The following HS3ST5 variants were observed in gnomAD, a reference collection of about 807,000 sequenced individuals.
The protein encoded by HS3ST5 is heparan sulfate glucosamine 3-O-sulfotransferase 5.
A neutral mutation model predicts 25.4 loss-of-function variants in HS3ST5; 10 were observed. That is an observed-to-expected ratio of 0.39 (90% CI 0.24 to 0.67). HS3ST5 has a LOEUF of 0.67. Ranked by LOEUF, HS3ST5 falls within the 30% of genes least tolerant of loss-of-function variation. The pLI is 0.44. For synonymous variants in HS3ST5, 170 were observed against 162.4 expected (o/e 1.05, Z -0.36); for missense variants, 324 against 420.7 (o/e 0.77, Z 2.01).
chr6:114,200,676 T>C (rs1187131540), intron 2 of HS3ST5, among the ~76,000 whole-genome samples: 2 of 151,952 alleles, frequency 1.3e-5, no homozygotes, highest in Non-Finnish European at 2.9e-5. Context: ...ACTGTGCACA[T>C]TTTGAGAAAC....
In HS3ST5 at chr6:114,057,092, C is replaced by A; in HGVS notation, c.*165G>T. The A allele has an allele frequency of 4.0e-6, 2 of 499,702 alleles. No individual in the cohort carries two copies. Among genetic ancestry groups the A allele is most frequent in the Non-Finnish European group, 3.4e-6 (1 of 292,762 alleles). 31.0% of individuals were successfully genotyped at this position (499,702 alleles called of 1,614,324 possible). A position where few individuals can be genotyped will look rare whatever the true frequency, so the allele number is the denominator to read the frequency against. On this transcript the variant is annotated 3_prime_UTR_variant, in exon 5 of 5. Coordinates refer to ENST00000312719, the MANE Select transcript of HS3ST5 (RefSeq NM_153612.4). ...CAATTTTTTTTTTTTCGTAAATTTT[C>A]AGTAGAAAAAGAACTGATCTTATAT...
chr6:114,341,503 G>A (rs1250057017), intron 1 of HS3ST5, among the ~76,000 whole-genome samples: 1 of 152,036 alleles, frequency 6.6e-6, no homozygotes, highest in Non-Finnish European at 1.5e-5. Context: ...ACAGGAGCAG[G>A]AGTCTCAGCG....
chr6:114,122,999 C>T (rs1380041297), intron 3 of HS3ST5, among the ~76,000 whole-genome samples: 1 of 152,190 alleles, frequency 6.6e-6, no homozygotes, highest in Non-Finnish European at 1.5e-5. Context: ...GTTGCCTAGG[C>T]TGGAGTGCAA....
chr6:114,073,329 G>T (rs962915633), intron 3 of HS3ST5, among the ~76,000 whole-genome samples: 1 of 152,162 alleles, frequency 6.6e-6, no homozygotes, highest in Admixed American at 6.5e-5. Flanking sequence ...CACAGCAAAA[G>T]AAACTATCAT....
rs183406914 is a variant in HS3ST5, at chr6:114,333,971, C to T, written c.-339+8224G>A. Among the ~76,000 whole-genome samples the T allele has an allele frequency of 2.0e-5, 3 of 152,288 alleles. No homozygotes were observed. The East Asian group carries it at 5.8e-4, about 29-fold the overall frequency. ...AGCATCTGCAAGCCCATCAGTCCCA[C>T]ATACAACCTTGTACCCGTCTTGTGC... On this transcript the variant is annotated intron_variant, in intron 1 of 4. Transcript: ENST00000312719.
intron 1 of HS3ST5, among the ~76,000 whole-genome samples, chr6:114,288,020 T>C (rs1774412685): frequency 6.6e-6 from 1 of 152,064 alleles, no homozygotes; most frequent in Non-Finnish European, 1.5e-5. Context: ...CACTCGCATA[T>C]ACGCTAAAAG....
At chr6:114,084,190 C>T in intron 3 of HS3ST5, 2 of 1,039,126 alleles carry the variant, frequency 1.9e-6, no homozygotes, top group Non-Finnish European at 3.0e-6. Context: ...AGTGGTTGCT[C>T]CTATCCATTC....
chr6:114,073,868 T>G (rs561336139), intron 3 of HS3ST5, among the ~76,000 whole-genome samples: 1 of 152,334 alleles, frequency 6.6e-6, no homozygotes, highest in East Asian at 1.9e-4. Flanking sequence ...GTGGCACTAT[T>G]CACAATAGCA....
intron 1 of HS3ST5, among the ~76,000 whole-genome samples, chr6:114,326,213 AC>A (rs1479375441): frequency 6.6e-6 from 1 of 151,912 alleles, no homozygotes; most frequent in African/African-American, 2.4e-5. Flanking sequence ...ACATGGCAAA[AC>A]CCCATCTCTA....
chr6:114,255,135 T>C (rs1010970590), intron 1 of HS3ST5, among the ~76,000 whole-genome samples: 1 of 152,158 alleles, frequency 6.6e-6, no homozygotes, highest in African/African-American at 2.4e-5. Context: ...GGTACAGGCA[T>C]TGAATAATAT....
At chr6:114,169,800 G>C (rs1036240293) in intron 2 of HS3ST5, among the ~76,000 whole-genome samples, 1 of 152,042 alleles carries the variant, frequency 6.6e-6, no homozygotes, top group Non-Finnish European at 1.5e-5. Flanking sequence ...GTCCCCTAAG[G>C]GTAATACCTT....
chr6:114,067,468 A>G (rs1773520528), intron 3 of HS3ST5, among the ~76,000 whole-genome samples: 1 of 152,174 alleles, frequency 6.6e-6, no homozygotes, highest in Non-Finnish European at 1.5e-5. Context: ...TCAGCATCCA[A>G]TTGCAATGCA....
chr6:114,203,658 C>G (rs1781132537), intron 2 of HS3ST5, among the ~76,000 whole-genome samples: 1 of 152,136 alleles, frequency 6.6e-6, no homozygotes, highest in Non-Finnish European at 1.5e-5. Context: ...ACTACTCCCC[C>G]TCCCCTGAAA....
chr6:114,215,214 G>A (rs1483222694), intron 2 of HS3ST5, among the ~76,000 whole-genome samples: 1 of 152,098 alleles, frequency 6.6e-6, no homozygotes, highest in African/African-American at 2.4e-5. Context: ...GCTGAGGCAG[G>A]AGAATGGCAT....
At chr6:114,139,402 A>G (rs1397836628) in intron 3 of HS3ST5, among the ~76,000 whole-genome samples, 1 of 152,114 alleles carries the variant, frequency 6.6e-6, no homozygotes, top group East Asian at 1.9e-4. Context: ...GTTCAAAAAA[A>G]AAAAAGATGA....
At chr6:114,081,087 A>G (rs1449114078) in intron 3 of HS3ST5, among the ~76,000 whole-genome samples, 1 of 152,204 alleles carries the variant, frequency 6.6e-6, no homozygotes, top group Non-Finnish European at 1.5e-5. Context: ...GAAGAAAGAC[A>G]AGAACAGCTG....
At chr6:114,200,311 C>G (rs1780953874) in intron 2 of HS3ST5, among the ~76,000 whole-genome samples, 1 of 152,192 alleles carries the variant, frequency 6.6e-6, no homozygotes, top group South Asian at 2.1e-4. Flanking sequence ...TAGTGTCACA[C>G]TATGTGTGAC....
At chr6:114,150,065 A>T (rs1284102363) in intron 3 of HS3ST5, among the ~76,000 whole-genome samples, 1 of 152,210 alleles carries the variant, frequency 6.6e-6, no homozygotes, top group Non-Finnish European at 1.5e-5. Context: ...AAGAATTTGT[A>T]TTCTATAGGG....
chr6:114,248,905 C>G (rs1772512395), intron 1 of HS3ST5, among the ~76,000 whole-genome samples: 1 of 152,192 alleles, frequency 6.6e-6, no homozygotes. Flanking sequence ...CATATTATTA[C>G]TGGCTGTTTC....
Sources: allele counts gnomAD v4.1 joint callset (sites outside exome capture counted in the v4.1 genomes callset), GRCh38; gene constraint gnomAD v4.1.1; transcripts MANE v1.5; gene names NCBI Gene and HGNC (gene_info 2026-07-23, HGNC 2026-07-21).